The following OTOP1 variants were observed in gnomAD, a reference collection of about 807,000 sequenced individuals.
The protein encoded by OTOP1 is otopetrin 1.
Under a neutral mutation model 52.9 loss-of-function variants are expected in OTOP1, and 59 were observed. The ratio of observed to expected loss-of-function variants is 1.12; its 90% CI spans 0.91 to 1.39. The LOEUF (loss-of-function observed/expected upper bound fraction) is 1.39, where lower values mean the gene tolerates loss of function less well. OTOP1 is among the 40% of genes most tolerant of loss of function. The probability of loss-of-function intolerance (pLI) is 0.00; values close to 1 mark genes in which losing one functional copy is unlikely to be tolerated. For synonymous variants in OTOP1, 317 were observed against 337.7 expected (o/e 0.94, Z 0.67); for missense variants, 761 against 800.9 (o/e 0.95, Z 0.60).
At chr4:4,193,659 T>C (rs963664467) in intron 5 of OTOP1, among the ~76,000 whole-genome samples, 1 of 152,148 alleles carries the variant, frequency 6.6e-6, no homozygotes, top group Non-Finnish European at 1.5e-5. Flanking sequence ...AACCAGTGCC[T>C]GGGGGCATCA....
intron 5 of OTOP1, among the ~76,000 whole-genome samples, chr4:4,193,027 TTA>T (rs1170554561): frequency 2.0e-5 from 3 of 152,152 alleles, no homozygotes; most frequent in African/African-American, 7.2e-5. Context: ...ATGGGAAAGT[TTA>T]TGTGATGTGT....
At chr4:4,219,070 T>C (rs998286725) in intron 1 of OTOP1, among the ~76,000 whole-genome samples, 8 of 149,708 alleles carry the variant, frequency 5.3e-5, no homozygotes, top group Non-Finnish European at 7.4e-5. Context: ...AAGGAGGAAA[T>C]AGGAACGTAA....
chr4:4,214,515 A>G (rs1469616237), intron 1 of OTOP1, among the ~76,000 whole-genome samples: 2 of 152,184 alleles, frequency 1.3e-5, no homozygotes, highest in Admixed American at 1.3e-4. Context: ...TGTTCATAGC[A>G]GCATTATTTT....
intron 1 of OTOP1, among the ~76,000 whole-genome samples, chr4:4,217,911 AG>A (rs1328036426): frequency 6.6e-6 from 1 of 152,212 alleles, no homozygotes; most frequent in Non-Finnish European, 1.5e-5. Flanking sequence ...AAGCTGGAGG[AG>A]GGTGGAGGTA....
chr4:4,221,311 T>C (rs987350484), intron 1 of OTOP1, among the ~76,000 whole-genome samples: 1 of 152,104 alleles, frequency 6.6e-6, no homozygotes, highest in Non-Finnish European at 1.5e-5. Context: ...TAGTCCCAGC[T>C]ATTCGGGTGG....
At chr4:4,221,023 T>C (rs1172087156) in intron 1 of OTOP1, among the ~76,000 whole-genome samples, 1 of 150,850 alleles carries the variant, frequency 6.6e-6, no homozygotes, top group Admixed American at 6.6e-5. Context: ...GTACTTACTT[T>C]ATTTATATAT....
At chr4:4,203,866 C>T (rs1445966200) in intron 3 of OTOP1, among the ~76,000 whole-genome samples, 1 of 152,212 alleles carries the variant, frequency 6.6e-6, no homozygotes, top group Non-Finnish European at 1.5e-5. Context: ...GGTCCCCTGC[C>T]TGGCTGGGTG....
intron 1 of OTOP1, among the ~76,000 whole-genome samples, chr4:4,224,585 G>GT (rs1228553873): frequency 3.3e-5 from 5 of 152,156 alleles, no homozygotes; most frequent in African/African-American, 1.2e-4. Context: ...TTTGTGCCTT[G>GT]TTTTAAATAG....
intron 4 of OTOP1, among the ~76,000 whole-genome samples, chr4:4,198,971 A>G (rs1339618723): frequency 1.3e-5 from 2 of 152,204 alleles, no homozygotes; most frequent in Admixed American, 6.5e-5. Flanking sequence ...CAGGTGGATC[A>G]CTTGAGGTCA....
chr4:4,224,545 C>G (rs571414208), intron 1 of OTOP1, among the ~76,000 whole-genome samples: 3 of 152,118 alleles, frequency 2.0e-5, no homozygotes, highest in Non-Finnish European at 4.4e-5. Context: ...TACTTTTTAG[C>G]CTGTGTAAGT....
intron 5 of OTOP1, among the ~76,000 whole-genome samples, chr4:4,196,716 C>T (rs1330792211): frequency 4.6e-5 from 7 of 152,138 alleles, no homozygotes; most frequent in Admixed American, 2.0e-4. Context: ...CAACAGGGCG[C>T]GACCCTGTCT....
intron 4 of OTOP1, among the ~76,000 whole-genome samples, chr4:4,200,065 A>G (rs932345060): frequency 1.3e-5 from 2 of 152,272 alleles, no homozygotes; most frequent in African/African-American, 4.8e-5. Flanking sequence ...AAAATCAACT[A>G]TAAGTAAATG....
chr4:4,220,089 A>G (rs1288130573), intron 1 of OTOP1, among the ~76,000 whole-genome samples: 3 of 98,678 alleles, frequency 3.0e-5, no homozygotes, highest in Non-Finnish European at 5.7e-5. Flanking sequence ...ACATATATAT[A>G]TATATATATA....
intron 5 of OTOP1, among the ~76,000 whole-genome samples, chr4:4,189,892 C>T (rs1240785723): frequency 6.6e-6 from 1 of 152,220 alleles, no homozygotes; most frequent in African/African-American, 2.4e-5. Flanking sequence ...CAAAGTCAAG[C>T]CTTGAAATGA....
At chr4:4,214,454 T>C (rs926009088) in intron 1 of OTOP1, among the ~76,000 whole-genome samples, 6 of 152,152 alleles carry the variant, frequency 3.9e-5, no homozygotes, top group African/African-American at 1.4e-4. Context: ...CTTCTGAGTA[T>C]ATACCCAAAA....
At chr4:4,220,029 GTA>G (rs1560211489) in intron 1 of OTOP1, among the ~76,000 whole-genome samples, 9 of 129,874 alleles carry the variant, frequency 6.9e-5, no homozygotes, top group Non-Finnish European at 1.4e-4. Flanking sequence ...ATGTATATAC[GTA>G]TATATGTATA....
intron 5 of OTOP1, 129 bp from the exon 6 acceptor site, chr4:4,189,102 A>T (rs1560203462): frequency 1.3e-6 from 1 of 779,558 alleles, no homozygotes; most frequent in Non-Finnish European, 2.0e-6. Context: ...CTGACAGAAC[A>T]ATAAGGAGAC....
intron 1 of OTOP1, among the ~76,000 whole-genome samples, chr4:4,219,511 C>T (rs572995381): frequency 4.0e-5 from 6 of 151,708 alleles, no homozygotes; most frequent in Admixed American, 6.6e-5. Context: ...ACCATCCTGG[C>T]CAACACGGTG....
intron 4 of OTOP1, among the ~76,000 whole-genome samples, chr4:4,199,231 TGTGA>T (rs1263568331): frequency 1.3e-4 from 12 of 95,878 alleles, no homozygotes; most frequent in Admixed American, 5.0e-4. Flanking sequence ...TGTGTGTGTG[TGTGA>T]GAGAGAGAGA....
Sources: gnomAD v4.1 joint callset for allele counts (sites outside exome capture counted in the v4.1 genomes callset) on GRCh38, gnomAD v4.1.1 for gene constraint, MANE v1.5 for transcripts, NCBI Gene and HGNC (gene_info 2026-07-23, HGNC 2026-07-21) for gene names.